The following NAP1L3 variants were observed in gnomAD, a reference collection of about 807,000 sequenced individuals.
NAP1L3 encodes the protein nucleosome assembly protein 1-like 3.
For synonymous variants in NAP1L3, 127 were observed against 131.9 expected, an observed-to-expected ratio of 0.96 and a Z score of 0.25; for missense variants, 378 against 369.9, an observed-to-expected ratio of 1.02 and a Z score of -0.18.
Position 93,671,588 on chromosome X carries a change from C to T in NAP1L3, c.*196G>A, listed in dbSNP as rs1457705842. 5 of 540,308 alleles carry T rather than the reference C, an allele frequency of 9.3e-6. No individual in the cohort carries two copies. The African/African-American group carries it at 9.5e-5, about 10-fold the overall frequency. The allele number at this position is 540,308 out of a possible 1,213,427, so 44.5% of individuals were successfully genotyped here. On this transcript the variant is annotated 3_prime_UTR_variant, in exon 1 of 1. Coordinates refer to ENST00000373079, the MANE Select transcript of NAP1L3 (RefSeq NM_004538.6). ...TTGAAGAATATTATACTACAACAGC[C>T]TAGATAGAATAAACTGGCACTTAGA...
chrX:93,672,608 C>T lies in NAP1L3; in HGVS notation c.697G>A (p.Glu233Lys). 1 of 1,211,491 alleles carries T rather than the reference C, an allele frequency of 8.3e-7. No homozygotes were observed. The highest frequency in any genetic ancestry group is 1.1e-6 in the Non-Finnish European group (1 of 895,474). The change falls in exon 1 of 1, where the codon GAA becomes AAA. Residue 233 changes from glutamate (E) to lysine (K), a missense_variant. Transcript: ENST00000373079. ...CAGTCTTTAGAATCTGCTTTTTCTTCAGCCTTTACCTCAGGAATTTCTTTA... is the reference window on the plus strand; with the variant it reads ...CAGTCTTTAGAATCTGCTTTTTCTTTAGCCTTTACCTCAGGAATTTCTTTA... The part of the protein sequence containing the change: ...VPKEIPEVKA[E>K]EKADSKDCME...
rs778586248 is a variant in NAP1L3 at position 93,671,927 on chromosome X, C to A, written c.1378G>T (p.Ala460Ser). The A allele has an allele frequency of 1.7e-5, 21 of 1,210,654 alleles. No individual in the cohort carries two copies. In the South Asian group the frequency reaches 3.7e-4, roughly 21 times the overall value. ...MIGKLEPRED[A>S]ILDEDFEIGQ... ...ATTTCAAAGTCCTCATCCAGGATAGCATCTTCTCGTGGTTCCAGCTTCCCA... is the reference window on the plus strand; with the variant it reads ...ATTTCAAAGTCCTCATCCAGGATAGAATCTTCTCGTGGTTCCAGCTTCCCA... Residue 460 changes from alanine to serine, a missense_variant, in exon 1 of 1, where the codon GCT becomes TCT. Physicochemically the swap from Ala to Ser is moderately conservative, Grantham distance 99. Coordinates refer to ENST00000373079, the MANE Select transcript of NAP1L3 (RefSeq NM_004538.6).
chrX:93,672,490 T>G lies in NAP1L3; in HGVS notation c.815A>C (p.Lys272Thr). The G allele has an allele frequency of 3.3e-6, 4 of 1,211,546 alleles. No homozygotes were observed. The highest frequency in any genetic ancestry group is 4.5e-6 in the Non-Finnish European group (4 of 895,492). Reference sequence around the variant, plus strand: ...AGTCTCTCTTACTGCAGCCCTTGCCTTAGCCTCTGTTGCTTTAGGCTGTTC... The same window carrying G: ...AGTCTCTCTTACTGCAGCCCTTGCCGTAGCCTCTGTTGCTTTAGGCTGTTC... ...DKEQPKATEA[K>T]ARAAVRETHK... The change falls in exon 1 of 1, where the codon AAG (lysine) becomes ACG (threonine). Residue 272 changes from lysine to threonine, a missense_variant. Coordinates refer to ENST00000373079, the MANE Select transcript of NAP1L3 (RefSeq NM_004538.6).
Position 93,672,193 on chromosome X carries a change from T to A in NAP1L3, c.1112A>T (p.Glu371Val). The A allele has an allele frequency of 8.3e-7, 1 of 1,211,830 alleles. No homozygotes were observed. Residue 371 changes from glutamate (E) to valine (V), a missense_variant, in exon 1 of 1, where the codon GAG becomes GTG. Glu to Val is a moderately radical substitution (Grantham distance 121). Transcript: ENST00000373079. ...TATTATATATGTCTTCACCAGCACC[T>A]CATTTCTGAAGTATGGGTTGGGTAG... ...HFLPNPYFRN[E>V]VLVKTYIIKA...
Position 93,671,543 on chromosome X carries a change from T to C in NAP1L3, c.*241A>G, listed in dbSNP as rs1924357171. Reference sequence around the variant, plus strand: ...CACCAAACTAACATGCTTTAGATAATTGACAACAGCTTACATATTTTGAAG... The same window carrying C: ...CACCAAACTAACATGCTTTAGATAACTGACAACAGCTTACATATTTTGAAG... On this transcript the variant is annotated 3_prime_UTR_variant, in exon 1 of 1. Coordinates refer to ENST00000373079, the MANE Select transcript of NAP1L3 (RefSeq NM_004538.6). 5.7e-6 allele frequency: 2 copies of C among 350,755 alleles called. No individual in the cohort carries two copies. Among genetic ancestry groups the C allele is most frequent in the East Asian group, 5.0e-5 (1 of 20,197 alleles). 28.9% of individuals were successfully genotyped at this position (350,755 alleles called of 1,213,427 possible). A position where few individuals can be genotyped will look rare whatever the true frequency, so the allele number is the denominator to read the frequency against.
chrX:93,673,130 C>G lies in NAP1L3; in HGVS notation c.175G>C (p.Gly59Arg). 1 of 1,193,964 alleles carries G rather than the reference C, an allele frequency of 8.4e-7. No individual in the cohort carries two copies. Among genetic ancestry groups the G allele is most frequent in the Non-Finnish European group, 1.1e-6 (1 of 885,807 alleles). The change falls in exon 1 of 1, where the codon GGC (glycine) becomes CGC (arginine). Residue 59 changes from glycine to arginine, a missense_variant. Gly to Arg is a moderately radical substitution (Grantham distance 125). Coordinates refer to ENST00000373079, the MANE Select transcript of NAP1L3 (RefSeq NM_004538.6). The part of the protein sequence containing the change: ...SSTSGSSSGS[G>R]SSSSSSGSTS... Reference sequence around the variant, plus strand: ...CTGCCGCTGCTGCTGCTGCTGCTGCCGCTGCCGCTGCTGCTGCCACTAGTG... The same window carrying G: ...CTGCCGCTGCTGCTGCTGCTGCTGCGGCTGCCGCTGCTGCTGCCACTAGTG...
rs982332681 is a variant in NAP1L3, at chrX:93,672,158, G to T, written c.1147C>A (p.Pro383Thr). ...GAAAAGAAGGGATCATTGTGATCTGGTTTTGCCTTTATTATATATGTCTTC... is the reference window on the plus strand; with the variant it reads ...GAAAAGAAGGGATCATTGTGATCTGTTTTTGCCTTTATTATATATGTCTTC... ...LVKTYIIKAKPDHNDPFFSWG... is the reference protein window; with the variant it reads ...LVKTYIIKAKTDHNDPFFSWG... The change falls in exon 1 of 1, where the codon CCA becomes ACA. Residue 383 changes from proline (P) to threonine (T), a missense_variant. Transcript: ENST00000373079. The T allele has an allele frequency of 7.4e-6, 9 of 1,209,523 alleles. No homozygotes were observed. The highest frequency in any genetic ancestry group is 2.3e-4 in the Middle Eastern group (1 of 4,372).
At position 93,673,034 on chromosome X, in the gene NAP1L3, G is replaced by A. The variant is rs1043055561; in HGVS notation, c.271C>T (p.Pro91Ser). ...PEPSRRARRA[P>S]LGTNFVDRLP... ...CTATCCACGAAATTTGTTCCCAACGGGGCCCGCCGCGCCCTTCTGGAAGGC... is the reference window on the plus strand; with the variant it reads ...CTATCCACGAAATTTGTTCCCAACGAGGCCCGCCGCGCCCTTCTGGAAGGC... The change falls in exon 1 of 1, where the codon CCG becomes TCG. Residue 91 changes from proline to serine, a missense_variant. Coordinates refer to ENST00000373079, the MANE Select transcript of NAP1L3 (RefSeq NM_004538.6). 5 of 1,209,282 alleles carry A rather than the reference G, an allele frequency of 4.1e-6. No homozygotes were observed. The highest frequency in any genetic ancestry group is 2.3e-4 in the Middle Eastern group (1 of 4,327).
Position 93,673,463 on chromosome X carries a change from G to A in NAP1L3, c.-159C>T. On this transcript the variant is annotated 5_prime_UTR_variant, in exon 1 of 1. Coordinates refer to ENST00000373079, the MANE Select transcript of NAP1L3 (RefSeq NM_004538.6). The stretch of plus-strand genomic sequence containing the variant: ...GAGCGGAGCTGGAGCTGGGGATGCA[G>A]AGGCCGGCGCTGAGGTGGCAGCGGC... 1 of 921,007 alleles carries A rather than the reference G, an allele frequency of 1.1e-6. No individual in the cohort carries two copies. The highest frequency in any genetic ancestry group is 1.5e-6 in the Non-Finnish European group (1 of 688,152). The allele number at this position is 921,007 out of a possible 1,213,427, so 75.9% of individuals were successfully genotyped here.
At position 93,671,715 on chromosome X, in the gene NAP1L3, T is replaced by C; in HGVS notation, c.*69A>G. 9.0e-7 allele frequency: 1 copy of C among 1,116,065 alleles called. No homozygotes were observed. Among genetic ancestry groups the C allele is most frequent in the Non-Finnish European group, 1.2e-6 (1 of 851,124 alleles). 92.0% of individuals were successfully genotyped at this position (1,116,065 alleles called of 1,213,427 possible). A position where few individuals can be genotyped will look rare whatever the true frequency, so the allele number is the denominator to read the frequency against. On this transcript the variant is annotated 3_prime_UTR_variant, in exon 1 of 1. Transcript: ENST00000373079. ...AGGTTACAGGTCAGGGTTTTACTTT[T>C]TTCAAGGCTGTATGAATCTGCTTCA... is the stretch of plus-strand genomic sequence containing the variant.
Position 93,673,032 on chromosome X carries a change from C to A in NAP1L3, c.273G>T (p.Pro91=), listed in dbSNP as rs1010366086. The A allele has an allele frequency of 5.0e-6, 6 of 1,208,000 alleles. No individual in the cohort carries two copies. The highest frequency in any genetic ancestry group is 6.7e-6 in the Non-Finnish European group (6 of 894,489). The change falls in exon 1 of 1, where the codon CCG becomes CCT. Residue 91 remains proline, a synonymous_variant. Coordinates refer to ENST00000373079, the MANE Select transcript of NAP1L3 (RefSeq NM_004538.6). ...PEPSRRARRA[P]LGTNFVDRLP... is the part of the protein sequence containing the mutation. ...GCCTATCCACGAAATTTGTTCCCAA[C>A]GGGGCCCGCCGCGCCCTTCTGGAAG...
Position 93,672,775 on chromosome X carries a change from ACCT to A in NAP1L3, c.527_529del (p.Glu176del). 8.3e-7 allele frequency: 1 copy of A among 1,209,653 alleles called. No homozygotes were observed. The highest frequency in any genetic ancestry group is 1.1e-6 in the Non-Finnish European group (1 of 895,021). ...CATTTCACTAGGGGTGTTATCCTGC[ACCT>A]CCTCATCACTGCTGAACTCCTCATC... On this transcript the variant is annotated inframe_deletion, in exon 1 of 1. Coordinates refer to ENST00000373079, the MANE Select transcript of NAP1L3 (RefSeq NM_004538.6).
Position 93,672,333 on chromosome X carries a change from C to G in NAP1L3, c.972G>C (p.Lys324Asn). Residue 324 changes from lysine to asparagine, a missense_variant, in exon 1 of 1, where the codon AAG (lysine) becomes AAC (asparagine). By Grantham distance (94) the Lys-to-Asn change is moderately conservative. Coordinates refer to ENST00000373079, the MANE Select transcript of NAP1L3 (RefSeq NM_004538.6). ...CATACTTCTGAATCATAGGCCCGAG[C>G]TTGTCAACATTCTTTAAAACAATCA... ...YWLIVLKNVDKLGPMIQKYDE... is the reference protein window; with the variant it reads ...YWLIVLKNVDNLGPMIQKYDE... 8.3e-7 allele frequency: 1 copy of G among 1,211,594 alleles called. No homozygotes were observed. Among genetic ancestry groups the G allele is most frequent in the Non-Finnish European group, 1.1e-6 (1 of 895,537 alleles).
In NAP1L3 at chrX:93,673,549, G is replaced by A. The variant is rs920940068; in HGVS notation, c.-245C>T. On this transcript the variant is annotated 5_prime_UTR_variant, in exon 1 of 1. Coordinates refer to ENST00000373079, the MANE Select transcript of NAP1L3 (RefSeq NM_004538.6). Reference sequence around the variant, plus strand: ...CTCTCCCGGCTGCAGCTAGAGTGCCGAGATGTACCGCAGCCGAATGGCGCA... The same window carrying A: ...CTCTCCCGGCTGCAGCTAGAGTGCCAAGATGTACCGCAGCCGAATGGCGCA... 5 of 400,738 alleles carry A rather than the reference G, an allele frequency of 1.2e-5. No individual in the cohort carries two copies. The East Asian group carries it at 2.2e-4, about 17-fold the overall frequency. 33.0% of individuals were successfully genotyped at this position (400,738 alleles called of 1,213,427 possible). A position where few individuals can be genotyped will look rare whatever the true frequency, so the allele number is the denominator to read the frequency against.
In NAP1L3 at chrX:93,673,569, G is replaced by A. The variant is rs1924466250; in HGVS notation, c.-265C>T. On this transcript the variant is annotated 5_prime_UTR_variant, in exon 1 of 1. Transcript: ENST00000373079. ...GTGCCGAGATGTACCGCAGCCGAATGGCGCAGTATGAGACCCCGAGATCTC... is the reference window on the plus strand; with the variant it reads ...GTGCCGAGATGTACCGCAGCCGAATAGCGCAGTATGAGACCCCGAGATCTC... 3 of 353,331 alleles carry A rather than the reference G, an allele frequency of 8.5e-6. No homozygotes were observed. The highest frequency in any genetic ancestry group is 1.5e-5 in the Non-Finnish European group (3 of 200,944). The allele number at this position is 353,331 out of a possible 1,213,427, so 29.1% of individuals were successfully genotyped here. A position where few individuals can be genotyped will look rare whatever the true frequency, so the allele number is the denominator to read the frequency against.
chrX:93,671,842 A>G lies in NAP1L3; in HGVS notation c.1463T>C (p.Val488Ala), dbSNP rs776475016. 8.3e-7 allele frequency: 1 copy of G among 1,210,408 alleles called. No individual in the cohort carries two copies. The highest frequency in any genetic ancestry group is 1.1e-6 in the Non-Finnish European group (1 of 894,889). ...GCCAAATTGATAGTAGGTACCATTG[A>G]CTTCTCCAGTATAGTAATAGATTGA... Reference protein sequence around the residue: ...LKSIYYYTGEVNGTYYQFGKH... With the variant: ...LKSIYYYTGEANGTYYQFGKH... The change falls in exon 1 of 1, where the codon GTC becomes GCC. Residue 488 changes from valine (V) to alanine (A), a missense_variant. Transcript: ENST00000373079.
In NAP1L3 at chrX:93,671,656, C is replaced by A; in HGVS notation, c.*128G>T. On this transcript the variant is annotated 3_prime_UTR_variant, in exon 1 of 1. Transcript: ENST00000373079. ...TTTAAAATATAGACTACCAAGAAAC[C>A]ACAAAAACTTGACTATAAGGAATAA... 1 of 1,023,168 alleles carries A rather than the reference C, an allele frequency of 9.8e-7. No homozygotes were observed. The highest frequency in any genetic ancestry group is 1.3e-6 in the Non-Finnish European group (1 of 791,176). 84.3% of individuals were successfully genotyped at this position (1,023,168 alleles called of 1,213,427 possible).
At position 93,672,916 on chromosome X, in the gene NAP1L3, T is replaced by G; in HGVS notation, c.389A>C (p.His130Pro). The G allele has an allele frequency of 8.3e-7, 1 of 1,211,749 alleles. No individual in the cohort carries two copies. Among genetic ancestry groups the G allele is most frequent in the Non-Finnish European group, 1.1e-6 (1 of 895,511 alleles). ...TTCAGCATATTTTCTTTCAAGATCATGAATTGCTTTTAAGAACAGGGTATC... is the reference window on the plus strand; with the variant it reads ...TTCAGCATATTTTCTTTCAAGATCAGGAATTGCTTTTAAGAACAGGGTATC... ...KVDTLFLKAI[H>P]DLERKYAELN... is the part of the protein sequence containing the mutation. The change falls in exon 1 of 1, where the codon CAT becomes CCT. Residue 130 changes from histidine (H) to proline (P), a missense_variant. His to Pro is a moderately conservative substitution (Grantham distance 77, BLOSUM62 -2). Coordinates refer to ENST00000373079, the MANE Select transcript of NAP1L3 (RefSeq NM_004538.6).
rs1412103003 is a variant in NAP1L3 at position 93,673,103 on chromosome X, TGCTGCCGCTGCTGCTGCTGCTGCTGCC to T, written c.175_201del (p.Gly59_Ser67del). 1.8e-4 allele frequency: 218 copies of T among 1,203,001 alleles called. No individual in the cohort carries two copies. Among genetic ancestry groups the T allele is most frequent in the Non-Finnish European group, 2.2e-4 (196 of 892,554 alleles). On this transcript the variant is annotated inframe_deletion, in exon 1 of 1. Transcript: ENST00000373079. ...CTATACAAGCGGCTGCGGCTGCTAG[TGCTGCCGCTGCTGCTGCTGCTGCTGCC>T]GCTGCCGCTGCTGCTGCCACTAGTG...
Sources: gnomAD v4.1 joint callset for allele counts on GRCh38, gnomAD v4.1.1 for gene constraint, MANE v1.5 for transcripts, NCBI Gene and HGNC (gene_info 2026-07-23, HGNC 2026-07-21) for gene names.